Variants in ST3GAL1 observed in about 807,000 individuals in gnomAD.
The protein encoded by ST3GAL1 is CMP-N-acetylneuraminate-beta-galactosamide-alpha-2,3-sialyltransferase 1.
In ST3GAL1, 16 loss-of-function variants were observed where a neutral mutation model predicts 34.1. That is an observed-to-expected ratio of 0.47 (90% CI 0.32 to 0.71). The LOEUF (loss-of-function observed/expected upper bound fraction) is 0.71, where lower values mean the gene tolerates loss of function less well. Ranked by LOEUF, ST3GAL1 falls within the 30% of genes least tolerant of loss-of-function variation. ST3GAL1 has a pLI of 0.04. For missense variants in ST3GAL1, 353 were observed against 447.4 expected, an observed-to-expected ratio of 0.79 and a Z score of 1.90; for synonymous variants, 191 against 184.7, an observed-to-expected ratio of 1.03 and a Z score of -0.28.
intron 5 of ST3GAL1, among the ~76,000 whole-genome samples, chr8:133,472,372 G>A (rs1340130222): frequency 6.6e-6 from 1 of 152,128 alleles, no homozygotes. Flanking sequence ...ACAGTATGGG[G>A]GAAATCGCCC....
At chr8:133,472,487 C>T (rs1277594871) in intron 5 of ST3GAL1, among the ~76,000 whole-genome samples, 3 of 152,196 alleles carry the variant, frequency 2.0e-5, no homozygotes, top group Non-Finnish European at 4.4e-5. Flanking sequence ...TATCATGACC[C>T]AAGTCCAGTT....
chr8:133,460,136 T>C (rs1408676475), intron 9 of ST3GAL1, among the ~76,000 whole-genome samples, 199 bp from the exon 10 acceptor site: 1 of 152,162 alleles, frequency 6.6e-6, no homozygotes, highest in Non-Finnish European at 1.5e-5. Context: ...GCAAGTTAAG[T>C]AAAACTCAAG....
rs1462276424 is a variant in ST3GAL1, at chr8:133,469,093, C to T, written c.307-3003G>A. 1.3e-5 allele frequency among the ~76,000 whole-genome samples: 2 copies of T among 152,184 alleles called. No individual in the cohort carries two copies. Among genetic ancestry groups the T allele is most frequent in the Non-Finnish European group, 2.9e-5 (2 of 68,018 alleles). ...GGCCTGAGAAGCCAGGACTCAAGCT[C>T]GGCCATGGACGTGTGTGGAGAGTAT... On this transcript the variant is annotated intron_variant, in intron 5 of 9. Transcript: ENST00000522652. This position sits in a 1 kb window ranked among gnomAD's most constrained non-coding sequence, Gnocchi z 4.3.
In ST3GAL1 at chr8:133,571,069, C is replaced by T. The variant is rs1351516614; in HGVS notation, c.-582+624G>A. ...AACTTCACCCCCAGATCCGGAGCAG[C>T]GCGCTCTGACGGCGTCCCCGGGGCC... is the stretch of plus-strand genomic sequence containing the variant. On this transcript the variant is annotated intron_variant, in intron 1 of 9. Coordinates refer to ENST00000522652, the MANE Select transcript of ST3GAL1 (RefSeq NM_173344.3). The surrounding 1 kb of genome is among the most constrained non-coding windows in gnomAD (Gnocchi z 6.7). 6.6e-6 allele frequency among the ~76,000 whole-genome samples: 1 copy of T among 152,202 alleles called. No homozygotes were observed. Among genetic ancestry groups the T allele is most frequent in the Non-Finnish European group, 1.5e-5 (1 of 68,026 alleles).
In ST3GAL1 at chr8:133,468,645, T is replaced by C. The variant is rs182206532; in HGVS notation, c.307-2555A>G. 2.6e-5 allele frequency among the ~76,000 whole-genome samples: 4 copies of C among 152,348 alleles called. No individual in the cohort carries two copies. The East Asian group carries it at 7.7e-4, about 29-fold the overall frequency. On this transcript the variant is annotated intron_variant, in intron 5 of 9. Transcript: ENST00000522652. ...AATGATAAATATTATGAATATGTTG[T>C]CACACACACAGATGTGATATCCAGA... is the stretch of plus-strand genomic sequence containing the variant.
intron 2 of ST3GAL1, among the ~76,000 whole-genome samples, chr8:133,542,811 A>T (rs534569629): frequency 3.5e-4 from 52 of 150,534 alleles, no homozygotes; most frequent in African/African-American, 1.3e-3. Flanking sequence ...AGATGAACAG[A>T]GGAAGAAAAT....
At chr8:133,552,524 A>T (rs1338774221) in intron 1 of ST3GAL1, among the ~76,000 whole-genome samples, 1 of 152,186 alleles carries the variant, frequency 6.6e-6, no homozygotes, top group African/African-American at 2.4e-5. Flanking sequence ...CCAGCGTTTG[A>T]GCAAACTGAG....
intron 3 of ST3GAL1, among the ~76,000 whole-genome samples, chr8:133,479,120 C>T (rs960908063): frequency 1.3e-5 from 2 of 152,216 alleles, no homozygotes; most frequent in African/African-American, 4.8e-5. Flanking sequence ...GCTCATTTCT[C>T]GGGGCCGTCA....
chr8:133,532,624 A>G (rs185974876), intron 2 of ST3GAL1, among the ~76,000 whole-genome samples: 77 of 152,316 alleles, frequency 5.1e-4, no homozygotes, highest in Non-Finnish European at 8.5e-4. Context: ...ACCAATCAAT[A>G]GTAATAGAGT....
Position 133,497,167 on chromosome 8 carries a change from C to A in ST3GAL1, c.-374+1968G>T, listed in dbSNP as rs1276676174. ...TGCACCTCCCTCCCTGAGCTCAGCA[C>A]AAGGTCAGCAGTGTAGTTGCCAAAA... On this transcript the variant is annotated intron_variant, in intron 3 of 9. Transcript: ENST00000522652. 2.6e-5 allele frequency among the ~76,000 whole-genome samples: 4 copies of A among 152,226 alleles called. No homozygotes were observed. In the East Asian group the frequency reaches 7.7e-4, roughly 29 times the overall value.
rs189672061 is a variant in ST3GAL1, at chr8:133,466,482, C to T, written c.307-392G>A. ...CTCTGAAAGGCCCTCCATCCCCCTA[C>T]GTGTCACCACTTGAAAGAGAGAAAA... On this transcript the variant is annotated intron_variant, in intron 5 of 9. Coordinates refer to ENST00000522652, the MANE Select transcript of ST3GAL1 (RefSeq NM_173344.3). This position sits in a 1 kb window ranked among gnomAD's most constrained non-coding sequence, Gnocchi z 4.4. Among the ~76,000 whole-genome samples the T allele has an allele frequency of 1.3e-5, 2 of 152,306 alleles. No homozygotes were observed. Among genetic ancestry groups the T allele is most frequent in the East Asian group, 3.9e-4 (2 of 5,180 alleles).
chr8:133,499,654 TG>T (rs1201704601), intron 2 of ST3GAL1, among the ~76,000 whole-genome samples: 1 of 152,194 alleles, frequency 6.6e-6, no homozygotes, highest in African/African-American at 2.4e-5. Flanking sequence ...GGACCTGCTG[TG>T]TGCCTGGCAC....
At chr8:133,499,869 G>A (rs1274871568) in intron 2 of ST3GAL1, among the ~76,000 whole-genome samples, 1 of 152,162 alleles carries the variant, frequency 6.6e-6, no homozygotes, top group Non-Finnish European at 1.5e-5. Context: ...AGGGAAGCGT[G>A]TGCACTCGCA....
rs538790656 is a variant in ST3GAL1 at position 133,562,288 on chromosome 8, C to A, written c.-582+9405G>T. 5.1e-4 allele frequency among the ~76,000 whole-genome samples: 77 copies of A among 150,378 alleles called. No individual in the cohort carries two copies. In the East Asian group the frequency reaches 7.0e-3, roughly 14 times the overall value. ...GCAGTGGCAGGATCTCAGCTCACTG[C>A]AACCTCCGCCTCCTGGGTTCAAGTG... is the stretch of plus-strand genomic sequence containing the variant. On this transcript the variant is annotated intron_variant, in intron 1 of 9. Transcript: ENST00000522652.
intron 2 of ST3GAL1, among the ~76,000 whole-genome samples, chr8:133,529,228 C>T (rs533932216): frequency 7.5e-4 from 114 of 152,324 alleles, no homozygotes; most frequent in African/African-American, 2.5e-3. Context: ...AGATGGAGAA[C>T]GACTAGGTCC....
Position 133,469,399 on chromosome 8 carries a change from A to T in ST3GAL1, c.307-3309T>A, listed in dbSNP as rs915384212. Among the ~76,000 whole-genome samples, 2 of 152,004 alleles carry T rather than the reference A, an allele frequency of 1.3e-5. No homozygotes were observed. Among genetic ancestry groups the T allele is most frequent in the Admixed American group, 1.3e-4 (2 of 15,270 alleles). On this transcript the variant is annotated intron_variant, in intron 5 of 9. Coordinates refer to ENST00000522652, the MANE Select transcript of ST3GAL1 (RefSeq NM_173344.3). This position sits in a 1 kb window ranked among gnomAD's most constrained non-coding sequence, Gnocchi z 4.3. ...GTGCCTGGCTAATTTTTGTATTTTTAGTAGAAACACGGTTTCACCATGTTG... is the reference window on the plus strand; with the variant it reads ...GTGCCTGGCTAATTTTTGTATTTTTTGTAGAAACACGGTTTCACCATGTTG...
At chr8:133,523,900 A>G (rs1817884655) in intron 2 of ST3GAL1, among the ~76,000 whole-genome samples, 1 of 152,156 alleles carries the variant, frequency 6.6e-6, no homozygotes. Flanking sequence ...CAGAACCATA[A>G]TCATAAGAGC....
At chr8:133,496,694 C>G (rs1816955761) in intron 3 of ST3GAL1, among the ~76,000 whole-genome samples, 2 of 152,184 alleles carry the variant, frequency 1.3e-5, no homozygotes, top group Admixed American at 1.3e-4. Flanking sequence ...GTTCTGGTTC[C>G]TAGAGCGCCT....
intron 1 of ST3GAL1, among the ~76,000 whole-genome samples, chr8:133,557,730 C>A (rs1452386296): frequency 6.6e-6 from 1 of 152,062 alleles, no homozygotes; most frequent in Non-Finnish European, 1.5e-5. Flanking sequence ...TGCCTGTAAT[C>A]CCAGCTACTT....
Sources: allele counts gnomAD v4.1 joint callset (sites outside exome capture counted in the v4.1 genomes callset), GRCh38; gene constraint gnomAD v4.1.1; non-coding constraint Gnocchi (gnomAD v3.1); transcripts MANE v1.5; gene names NCBI Gene and HGNC (gene_info 2026-07-23, HGNC 2026-07-21).